PXDN: variants seen among roughly 807,000 people sequenced by gnomAD.
The protein encoded by PXDN is peroxidasin.
A neutral mutation model predicts 140.3 loss-of-function variants in PXDN; 77 were observed. The observed-to-expected ratio is 0.55, with a 90% CI of 0.46 to 0.66. The LOEUF is 0.66. Among genes scored for constraint, PXDN ranks in the 30% least tolerant of loss-of-function variants. The pLI, the probability that PXDN is intolerant of heterozygous loss-of-function variation, is 0.00. For missense variants in PXDN, 1,838 were observed against 2,039.5 expected (o/e 0.90, Z 1.90); for synonymous variants, 911 against 857.4 (o/e 1.06, Z -1.09).
chr2:1,634,071 G>C lies in PXDN; in HGVS notation c.*133C>G. 2.2e-6 allele frequency: 3 copies of C among 1,374,000 alleles called. No homozygotes were observed. The Admixed American group carries it at 6.7e-5, about 31-fold the overall frequency. The allele number at this position is 1,374,000 out of a possible 1,614,324, so 85.1% of individuals were successfully genotyped here. On this transcript the variant is annotated 3_prime_UTR_variant, in exon 23 of 23. Transcript: ENST00000252804. ...GCCTCCTGCACTGCCTTCTGTAACAGCACCAGCTGGACGTTGTCATGAAAT... is the reference window on the plus strand; with the variant it reads ...GCCTCCTGCACTGCCTTCTGTAACACCACCAGCTGGACGTTGTCATGAAAT...
At chr2:1,708,335 T>C (rs1342546180) in intron 1 of PXDN, among the ~76,000 whole-genome samples, 2 of 152,208 alleles carry the variant, frequency 1.3e-5, no homozygotes, top group East Asian at 1.9e-4. Context: ...CGCCCTTTCA[T>C]GTTCCAGCAG....
chr2:1,641,199 TG>T (rs1467833652), intron 19 of PXDN, among the ~76,000 whole-genome samples: 2 of 152,260 alleles, frequency 1.3e-5, no homozygotes, highest in African/African-American at 2.4e-5. Context: ...TTGCCCAGGC[TG>T]GGGTACAATG....
intron 4 of PXDN, among the ~76,000 whole-genome samples, chr2:1,686,089 TC>T (rs1400900790): frequency 6.6e-6 from 1 of 151,412 alleles, no homozygotes; most frequent in Non-Finnish European, 1.5e-5. Flanking sequence ...GTAGAGCCGA[TC>T]CGGGGAAGGG....
At chr2:1,672,905 C>G (rs528849660) in intron 9 of PXDN, among the ~76,000 whole-genome samples, 2 of 152,194 alleles carry the variant, frequency 1.3e-5, no homozygotes, top group Non-Finnish European at 2.9e-5. Context: ...CTGCAGCCTC[C>G]CTGGGTAAGG....
In PXDN at chr2:1,649,058, AGG is replaced by A; in HGVS notation, c.2720_2721del (p.Thr907IlefsTer15). 1.2e-6 allele frequency: 2 copies of A among 1,612,496 alleles called. No individual in the cohort carries two copies. Among genetic ancestry groups the A allele is most frequent in the Non-Finnish European group, 1.7e-6 (2 of 1,179,684 alleles). ...TACACGTTGGATGCGTCTATGTAGG[AGG>A]TGAGCTGGTTGATCTGCTCCCGCGG... is the stretch of plus-strand genomic sequence containing the variant. ...VYPREQINQLTSYIDASNVYG... is the reference protein window; with the variant it reads ...VYPREQINQLXSYIDASNVYG... On this transcript the variant is annotated frameshift_variant, in exon 17 of 23. Coordinates refer to ENST00000252804, the MANE Select transcript of PXDN (RefSeq NM_012293.3). LOFTEE classifies it high-confidence loss of function. The surrounding 1 kb of genome is among the most constrained non-coding windows in gnomAD (Gnocchi z 7.1).
At chr2:1,658,852 C>T (rs1055581423) in intron 14 of PXDN, among the ~76,000 whole-genome samples, 1 of 151,142 alleles carries the variant, frequency 6.6e-6, no homozygotes, top group African/African-American at 2.4e-5. Flanking sequence ...GCGGCTCCCT[C>T]TGCTCAGAAT....
At position 1,744,379 on chromosome 2, in the gene PXDN, G is replaced by A. The variant is rs1685640238; in HGVS notation, c.77C>T (p.Ala26Val). 9 of 1,526,446 alleles carry A rather than the reference G, an allele frequency of 5.9e-6. No individual in the cohort carries two copies. Among genetic ancestry groups the A allele is most frequent in the Non-Finnish European group, 7.0e-6 (8 of 1,143,296 alleles). 94.6% of individuals were successfully genotyped at this position (1,526,446 alleles called of 1,614,324 possible). Reference protein sequence around the residue: ...LVLFCAWGTLAVVAQKPGAGC... With the variant: ...LVLFCAWGTLVVVAQKPGAGC... ...TGCGCCCGGCTTCTGGGCCACCACGGCCAGCGTCCCCCAGGCGCAGAACAG... is the reference window on the plus strand; with the variant it reads ...TGCGCCCGGCTTCTGGGCCACCACGACCAGCGTCCCCCAGGCGCAGAACAG... Residue 26 changes from alanine to valine, a missense_variant, in exon 1 of 23, where the codon GCC becomes GTC. By Grantham distance (64) the Ala-to-Val change is moderately conservative. Transcript: ENST00000252804.
At chr2:1,692,816 C>T (rs1452478539) in intron 2 of PXDN, among the ~76,000 whole-genome samples, 1 of 152,180 alleles carries the variant, frequency 6.6e-6, no homozygotes, top group African/African-American at 2.4e-5. Flanking sequence ...CAGGGACAAG[C>T]TTAGCGGTCA....
intron 1 of PXDN, among the ~76,000 whole-genome samples, chr2:1,730,112 G>A (rs1187127747): frequency 6.6e-6 from 1 of 152,226 alleles, no homozygotes; most frequent in Non-Finnish European, 1.5e-5. Context: ...GTGCATCTGA[G>A]AACAAAGCCC....
intron 14 of PXDN, among the ~76,000 whole-genome samples, chr2:1,657,024 C>A (rs1254337728): frequency 1.3e-5 from 2 of 150,304 alleles, no homozygotes; most frequent in African/African-American, 4.9e-5. Context: ...CTAAAACCTA[C>A]CCCCTGCTGA....
intron 16 of PXDN, 129 bp downstream of exon 16, chr2:1,653,499 A>C: frequency 6.1e-6 from 8 of 1,322,112 alleles, no homozygotes; most frequent in Non-Finnish European, 8.5e-6. Flanking sequence ...TAAGGAAATA[A>C]TTTCACAGTT....
chr2:1,680,934 T>G (rs1225031584), intron 6 of PXDN, among the ~76,000 whole-genome samples: 1 of 152,152 alleles, frequency 6.6e-6, no homozygotes, highest in Non-Finnish European at 1.5e-5. Flanking sequence ...TTCTAGTGAG[T>G]GGCACATCCT....
intron 14 of PXDN, among the ~76,000 whole-genome samples, chr2:1,658,054 CTCTCTCTCTCTCT>C (rs1683197687): frequency 7.7e-6 from 1 of 130,184 alleles, no homozygotes; most frequent in Non-Finnish European, 1.6e-5. Flanking sequence ...CTCTCTCTCT[CTCTCTCTCTCTCT>C]CTCTCTCTCT....
rs1291293074 is a variant in PXDN, at chr2:1,639,793, G to A, written c.3953-371C>T. Among the ~76,000 whole-genome samples, 2 of 152,230 alleles carry A rather than the reference G, an allele frequency of 1.3e-5. No individual in the cohort carries two copies. The highest frequency in any genetic ancestry group is 2.4e-5 in the African/African-American group (1 of 41,460). On this transcript the variant is annotated intron_variant, in intron 19 of 22. Coordinates refer to ENST00000252804, the MANE Select transcript of PXDN (RefSeq NM_012293.3). This position sits in a 1 kb window ranked among gnomAD's most constrained non-coding sequence, Gnocchi z 5.0. ...CTGCTGTTTCTGGGGGTCCCTCCCC[G>A]ATGGCCAGATGACAATCTGCACTCT...
In PXDN at chr2:1,719,133, C is replaced by A. The variant is rs567019605; in HGVS notation, c.200+25123G>T. On this transcript the variant is annotated intron_variant, in intron 1 of 22. Transcript: ENST00000252804. ...ACGAGCGAGCCAGCCTGGGGCCCTGCGGCCATGCCTCCCACCTGAGTTACT... is the reference window on the plus strand; with the variant it reads ...ACGAGCGAGCCAGCCTGGGGCCCTGAGGCCATGCCTCCCACCTGAGTTACT... Among the ~76,000 whole-genome samples the A allele has an allele frequency of 3.5e-4, 54 of 152,342 alleles. 1 individual carries two copies. In the South Asian group the frequency reaches 0.011, roughly 31 times the overall value.
intron 4 of PXDN, among the ~76,000 whole-genome samples, chr2:1,686,197 TC>T (rs1230257937): frequency 1.3e-5 from 2 of 152,110 alleles, no homozygotes; most frequent in African/African-American, 2.4e-5. Flanking sequence ...GCTTATCCCC[TC>T]CCCAACAGCT....
intron 1 of PXDN, among the ~76,000 whole-genome samples, chr2:1,721,244 G>C (rs1215527661): frequency 1.3e-5 from 2 of 152,196 alleles, no homozygotes; most frequent in Admixed American, 6.5e-5. Context: ...CACTTAGAAG[G>C]TGCAAATGTG....
Position 1,684,108 on chromosome 2 carries a change from A to G in PXDN, c.460T>C (p.Phe154Leu). The part of the protein sequence containing the change: ...NQIETLDPDS[F>L]QHLPKLERLF... ...CTCTCGAGCTTCGGGAGATGCTGGA[A>G]CGAATCTGGGTCCAAAGTTTCTATC... Residue 154 changes from phenylalanine (F) to leucine (L), a missense_variant, in exon 5 of 23, where the codon TTC (phenylalanine) becomes CTC (leucine). Phe to Leu is a conservative substitution (Grantham distance 22, BLOSUM62 0). Coordinates refer to ENST00000252804, the MANE Select transcript of PXDN (RefSeq NM_012293.3). 1 of 1,588,232 alleles carries G rather than the reference A, an allele frequency of 6.3e-7. No homozygotes were observed. Among genetic ancestry groups the G allele is most frequent in the Non-Finnish European group, 8.6e-7 (1 of 1,166,686 alleles).
intron 1 of PXDN, among the ~76,000 whole-genome samples, chr2:1,736,250 T>C (rs1178328154): frequency 6.6e-6 from 1 of 152,216 alleles, no homozygotes; most frequent in Non-Finnish European, 1.5e-5. Flanking sequence ...TGACATGCCT[T>C]CCTCACTAAG....
Sources: gnomAD v4.1 joint callset for allele counts (sites outside exome capture counted in the v4.1 genomes callset) on GRCh38, gnomAD v4.1.1 for gene constraint, Gnocchi (gnomAD v3.1) non-coding constraint, MANE v1.5 for transcripts, NCBI Gene and HGNC (gene_info 2026-07-23, HGNC 2026-07-21) for gene names.